Variants in SRF observed in about 807,000 individuals in gnomAD.
SRF encodes the protein c-fos serum response element-binding transcription factor.
SRF carries 7 observed loss-of-function variants against 37.1 expected under a neutral mutation model. The observed-to-expected ratio is 0.19, with a 90% confidence interval of 0.11 to 0.35. The LOEUF (loss-of-function observed/expected upper bound fraction) is 0.35. Ranked by LOEUF, SRF falls within the 10% of genes least tolerant of loss-of-function variation. SRF has a pLI of 1.00. For synonymous variants in SRF, 285 were observed against 310.1 expected, an observed-to-expected ratio of 0.92 and a Z score of 0.85; for missense variants, 395 against 694.4, an observed-to-expected ratio of 0.57 and a Z score of 4.85.
Position 43,179,584 on chromosome 6 carries a change from T to C in SRF, c.*394T>C, listed in dbSNP as rs1272547761. On this transcript the variant is annotated 3_prime_UTR_variant, in exon 7 of 7. Transcript: ENST00000265354. The surrounding 1 kb of genome is among the most constrained non-coding windows in gnomAD (Gnocchi z 5.3). ...CTCTGAGGAAGCAGTTGGGGCCCTC[T>C]TGCCAGCCTCCTTGCTGACCCCAGG... The C allele has an allele frequency of 8.0e-6, 2 of 250,242 alleles. No homozygotes were observed. The highest frequency in any genetic ancestry group is 5.1e-5 in the Admixed American group (1 of 19,754). The allele number at this position is 250,242 out of a possible 1,614,324, so 15.5% of individuals were successfully genotyped here. A position where few individuals can be genotyped will look rare whatever the true frequency, so the allele number is the denominator to read the frequency against.
chr6:43,177,263 T>C (rs1252200643), intron 4 of SRF, among the ~76,000 whole-genome samples: 1 of 130,960 alleles, frequency 7.6e-6, no homozygotes, highest in Non-Finnish European at 1.5e-5. Context: ...AGTCTCGCTC[T>C]CTGTCGCCCA....
At chr6:43,174,151 G>T (rs1678679563) in intron 2 of SRF, 38 bp downstream of exon 2, 3 of 1,607,620 alleles carry the variant, frequency 1.9e-6, no homozygotes, top group Non-Finnish European at 2.6e-6. Flanking sequence ...AGGGAAGGGA[G>T]TGGGGTCCCT....
rs544658252 is a variant in SRF at position 43,177,228 on chromosome 6, GT to G, written c.1162+578del. The stretch of plus-strand genomic sequence containing the variant: ...CCCCAAACCTAGTGAATCGGAGTCT[GT>G]TTTTTTTTTTTTTTTTGAGACGGAG... On this transcript the variant is annotated intron_variant, in intron 4 of 6. Transcript: ENST00000265354. Among the ~76,000 whole-genome samples the G allele has an allele frequency of 2.4e-3, 284 of 116,790 alleles. 4 individuals carry two copies. Among genetic ancestry groups the G allele is most frequent in the Middle Eastern group, 4.4e-3 (1 of 228 alleles). 76.6% of individuals were successfully genotyped at this position (116,790 alleles called of 152,430 possible). A position where few individuals can be genotyped will look rare whatever the true frequency, so the allele number is the denominator to read the frequency against.
In SRF at chr6:43,172,967, G is replaced by A. The variant is rs535357609; in HGVS notation, c.513+798G>A. Reference sequence around the variant, plus strand: ...AGTGTTGAGGAAAGGAGTCATTTTGGGGTGTAGACGATAAGGGAAGAGATG... The same window carrying A: ...AGTGTTGAGGAAAGGAGTCATTTTGAGGTGTAGACGATAAGGGAAGAGATG... On this transcript the variant is annotated intron_variant, in intron 1 of 6. Coordinates refer to ENST00000265354, the MANE Select transcript of SRF (RefSeq NM_003131.4). The surrounding 1 kb of genome is among the most constrained non-coding windows in gnomAD (Gnocchi z 5.7). Among the ~76,000 whole-genome samples the A allele has an allele frequency of 6.6e-6, 1 of 152,210 alleles. No homozygotes were observed. Among genetic ancestry groups the A allele is most frequent in the Non-Finnish European group, 1.5e-5 (1 of 68,036 alleles).
At position 43,179,314 on chromosome 6, in the gene SRF, A is replaced by G; in HGVS notation, c.*124A>G. Reference sequence around the variant, plus strand: ...AGGGAGGCGGGGAGGAGGAACGGGCAGCCACAGGACTGAGCCCTCTCACTC... The same window carrying G: ...AGGGAGGCGGGGAGGAGGAACGGGCGGCCACAGGACTGAGCCCTCTCACTC... On this transcript the variant is annotated 3_prime_UTR_variant, in exon 7 of 7. Transcript: ENST00000265354. This position sits in a 1 kb window ranked among gnomAD's most constrained non-coding sequence, Gnocchi z 5.3. 9.8e-7 allele frequency: 1 copy of G among 1,015,586 alleles called. No homozygotes were observed. Among genetic ancestry groups the G allele is most frequent in the Non-Finnish European group, 1.5e-6 (1 of 675,238 alleles). 62.9% of individuals were successfully genotyped at this position (1,015,586 alleles called of 1,614,324 possible).
At chr6:43,177,784 A>G (rs1772232664) in intron 4 of SRF, among the ~76,000 whole-genome samples, 2 of 151,642 alleles carry the variant, frequency 1.3e-5, no homozygotes, top group South Asian at 4.2e-4. Context: ...GCTTGATGGC[A>G]GGCATCTGTA....
Position 43,172,072 on chromosome 6 carries a change from A to G in SRF, c.416A>G (p.Lys139Arg). Reference protein sequence around the residue: ...GAVSGAKPGKKTRGRVKIKME... With the variant: ...GAVSGAKPGKRTRGRVKIKME... ...GTGAGCGGGGCCAAGCCGGGTAAGA[A>G]GACCCGGGGCCGCGTGAAGATCAAG... The change falls in exon 1 of 7, where the codon AAG becomes AGG. Residue 139 changes from lysine (K) to arginine (R), a missense_variant. Physicochemically the swap from Lys to Arg is conservative, Grantham distance 26. Around this residue, in one of 4 missense-constraint regions of SRF, gnomAD observed 9 missense variants for 117.1 expected, o/e 0.08. Transcript: ENST00000265354. The surrounding 1 kb of genome is among the most constrained non-coding windows in gnomAD (Gnocchi z 5.7). The G allele has an allele frequency of 6.2e-7, 1 of 1,611,018 alleles. No homozygotes were observed. Among genetic ancestry groups the G allele is most frequent in the Admixed American group, 1.7e-5 (1 of 59,914 alleles).
intron 4 of SRF, among the ~76,000 whole-genome samples, chr6:43,177,807 C>T (rs1381705237): frequency 6.7e-6 from 1 of 149,696 alleles, no homozygotes; most frequent in South Asian, 2.1e-4. Flanking sequence ...CCCAGCTACT[C>T]GGGAGGCTGA....
In SRF at chr6:43,171,703, C is replaced by T. The variant is rs770030447; in HGVS notation, c.47C>T (p.Ser16Leu). ...GCCGCGGCGGCTCTGGGCCGGGGCTCGGCCCTGGGGGGCAGCCTGAACCGG... is the reference window on the plus strand; with the variant it reads ...GCCGCGGCGGCTCTGGGCCGGGGCTTGGCCCTGGGGGGCAGCCTGAACCGG... ...AGAAAALGRGSALGGSLNRTP... is the reference protein window; with the variant it reads ...AGAAAALGRGLALGGSLNRTP... Residue 16 changes from serine to leucine, a missense_variant, in exon 1 of 7, where the codon TCG (serine) becomes TTG (leucine). By Grantham distance (145) the Ser-to-Leu change is moderately radical (BLOSUM62 -2). Around this residue, in one of 4 missense-constraint regions of SRF, gnomAD observed 134 missense variants for 204.5 expected, o/e 0.66. Transcript: ENST00000265354. The surrounding 1 kb of genome is among the most constrained non-coding windows in gnomAD (Gnocchi z 6.5). The T allele has an allele frequency of 1.4e-5, 17 of 1,206,758 alleles. No individual in the cohort carries two copies. In the African/African-American group the frequency reaches 2.2e-4, roughly 16 times the overall value. The allele number at this position is 1,206,758 out of a possible 1,614,324, so 74.8% of individuals were successfully genotyped here. A position where few individuals can be genotyped will look rare whatever the true frequency, so the allele number is the denominator to read the frequency against.
chr6:43,174,657 A>G (rs1208705524), intron 2 of SRF, among the ~76,000 whole-genome samples: 6 of 152,178 alleles, frequency 3.9e-5, no homozygotes, highest in Non-Finnish European at 8.8e-5. Flanking sequence ...CCCGGTAAGG[A>G]GAGGGGGTGG....
Position 43,178,191 on chromosome 6 carries a change from T to G in SRF, c.1163-103T>G. The G allele has an allele frequency of 1.6e-6, 2 of 1,242,806 alleles. No individual in the cohort carries two copies. The highest frequency in any genetic ancestry group is 5.2e-5 in the East Asian group (2 of 38,752). The allele number at this position is 1,242,806 out of a possible 1,614,324, so 77.0% of individuals were successfully genotyped here. On this transcript the variant is annotated intron_variant, in intron 4 of 6. Transcript: ENST00000265354. The surrounding 1 kb of genome is among the most constrained non-coding windows in gnomAD (Gnocchi z 4.3). ...GAATAGTCGTGTCTAGCTTCTGACCTGGGAAATGGCAAGAGGGCTCTGGGG... is the reference window on the plus strand; with the variant it reads ...GAATAGTCGTGTCTAGCTTCTGACCGGGGAAATGGCAAGAGGGCTCTGGGG...
chr6:43,177,914 C>CA (rs748998373), intron 4 of SRF, among the ~76,000 whole-genome samples: 1,054 of 47,456 alleles, frequency 0.022, 7 homozygotes, highest in African/African-American at 0.04. Context: ...GACTCCATCT[C>CA]AAAAAAAAAA....
Position 43,178,418 on chromosome 6 carries a change from C to A in SRF, c.1287C>A (p.Thr429=), listed in dbSNP as rs773271428. The A allele has an allele frequency of 6.2e-7, 1 of 1,614,100 alleles. No individual in the cohort carries two copies. Among genetic ancestry groups the A allele is most frequent in the Non-Finnish European group, 8.5e-7 (1 of 1,180,034 alleles). ...PTSGLGDGSL[T]VLNAFSQAPS... ...CGGGCCTGGGTGATGGCAGCCTCAC[C>A]GTGCTGAATGCCTTCTCCCAGGCAC... The change falls in exon 5 of 7, where the codon ACC becomes ACA. Residue 429 remains threonine (T), a synonymous_variant. Transcript: ENST00000265354. This position sits in a 1 kb window ranked among gnomAD's most constrained non-coding sequence, Gnocchi z 4.3.
rs922404645 is a variant in SRF, at chr6:43,171,788, C to T, written c.132C>T (p.Val44=). ...GGTRGANGGR[V]PGNGAGLGPG... ...CACGCGGGGCTAACGGGGGCCGGGT[C>T]CCCGGGAATGGCGCGGGGCTCGGGC... Residue 44 remains valine (V), a synonymous_variant, in exon 1 of 7, where the codon GTC becomes GTT. Coordinates refer to ENST00000265354, the MANE Select transcript of SRF (RefSeq NM_003131.4). This position sits in a 1 kb window ranked among gnomAD's most constrained non-coding sequence, Gnocchi z 6.5. 18 of 1,217,286 alleles carry T rather than the reference C, an allele frequency of 1.5e-5. No individual in the cohort carries two copies. In the African/African-American group the frequency reaches 2.5e-4, roughly 17 times the overall value. 75.4% of individuals were successfully genotyped at this position (1,217,286 alleles called of 1,614,324 possible). A position where few individuals can be genotyped will look rare whatever the true frequency, so the allele number is the denominator to read the frequency against.
Position 43,172,490 on chromosome 6 carries a change from A to G in SRF, c.513+321A>G, listed in dbSNP as rs1441302187. ...ATGGGAGGCTACGAGGCTGCCGGGG[A>G]GGTGGATAATGAGAACCCGGGATCA... On this transcript the variant is annotated intron_variant, in intron 1 of 6. Coordinates refer to ENST00000265354, the MANE Select transcript of SRF (RefSeq NM_003131.4). This position sits in a 1 kb window ranked among gnomAD's most constrained non-coding sequence, Gnocchi z 5.7. 3 of 983,614 alleles carry G rather than the reference A, an allele frequency of 3.0e-6. No homozygotes were observed. Among genetic ancestry groups the G allele is most frequent in the Non-Finnish European group, 3.6e-6 (3 of 828,388 alleles). 60.9% of individuals were successfully genotyped at this position (983,614 alleles called of 1,614,324 possible).
At position 43,173,864 on chromosome 6, in the gene SRF, G is replaced by A. The variant is rs200834264; in HGVS notation, c.531G>A (p.Thr177=). 2.3e-5 allele frequency: 37 copies of A among 1,614,040 alleles called. No homozygotes were observed. Among genetic ancestry groups the A allele is most frequent in the South Asian group, 3.3e-5 (3 of 91,080 alleles). The part of the protein sequence containing the change: ...GIMKKAYELS[T]LTGTQVLLLV... ...CCCCTCAGGCCTATGAGCTGTCCAC[G>A]CTGACAGGGACACAGGTGCTGTTGC... The change falls in exon 2 of 7, where the codon ACG becomes ACA. Residue 177 remains threonine (T), a synonymous_variant. Coordinates refer to ENST00000265354, the MANE Select transcript of SRF (RefSeq NM_003131.4). The surrounding 1 kb of genome is among the most constrained non-coding windows in gnomAD (Gnocchi z 4.2).
intron 4 of SRF, among the ~76,000 whole-genome samples, chr6:43,177,689 G>T (rs1293343984): frequency 7.3e-5 from 11 of 151,374 alleles, no homozygotes; most frequent in Admixed American, 3.3e-4. Flanking sequence ...GCCGAGGGGG[G>T]CAGATCACGA....
intron 2 of SRF, among the ~76,000 whole-genome samples, 192 bp downstream of exon 2, chr6:43,174,305 T>C (rs1047980454): frequency 2.0e-5 from 3 of 152,172 alleles, no homozygotes; most frequent in African/African-American, 4.8e-5. Context: ...GCGGCCTCCG[T>C]GCCCATATAA....
rs1194760392 is a variant in SRF, at chr6:43,172,690, C to T, written c.513+521C>T. Among the ~76,000 whole-genome samples the T allele has an allele frequency of 6.6e-6, 1 of 152,112 alleles. No individual in the cohort carries two copies. The highest frequency in any genetic ancestry group is 1.5e-5 in the Non-Finnish European group (1 of 68,020). ...TGGAAGGACAGGCAGGGTTAGGGAC[C>T]AGGTAAGGGAGCGGGGCAGGAGAAC... On this transcript the variant is annotated intron_variant, in intron 1 of 6. Transcript: ENST00000265354. This position sits in a 1 kb window ranked among gnomAD's most constrained non-coding sequence, Gnocchi z 5.7.
Sources: allele counts gnomAD v4.1 joint callset (sites outside exome capture counted in the v4.1 genomes callset), GRCh38; gene constraint gnomAD v4.1.1; regional missense constraint gnomAD v4.1.1; non-coding constraint Gnocchi (gnomAD v3.1); transcripts MANE v1.5; gene names NCBI Gene and HGNC (gene_info 2026-07-23, HGNC 2026-07-21).